HNRNPM: variants seen among roughly 807,000 people sequenced by gnomAD.
The protein encoded by HNRNPM is CEA receptor.
HNRNPM carries 11 observed loss-of-function variants against 73.1 expected under a neutral mutation model. The ratio of observed to expected loss-of-function variants is 0.15; its 90% confidence interval spans 0.09 to 0.25. The LOEUF (loss-of-function observed/expected upper bound fraction) is 0.25. Ranked by LOEUF, HNRNPM falls within the 10% of genes least tolerant of loss-of-function variation. HNRNPM has a pLI of 1.00. For synonymous variants in HNRNPM, 407 were observed against 355.2 expected, an observed-to-expected ratio of 1.15 and a Z score of -1.64; for missense variants, 789 against 1,067.9, an observed-to-expected ratio of 0.74 and a Z score of 3.64.
At chr19:8,481,049 T>C (rs1168351226) in intron 12 of HNRNPM, among the ~76,000 whole-genome samples, 2 of 152,202 alleles carry the variant, frequency 1.3e-5, no homozygotes, top group Non-Finnish European at 2.9e-5. Context: ...TCCCGTGTCC[T>C]TTGCCATGAG....
rs146518462 is a variant in HNRNPM, at chr19:8,486,069, G to A, written c.1641G>A (p.Val547=). 4.4e-6 allele frequency: 7 copies of A among 1,604,968 alleles called. No homozygotes were observed. In the African/African-American group the frequency reaches 8.1e-5, roughly 19 times the overall value. The change falls in exon 14 of 16, where the codon GTG becomes GTA. Residue 547 remains valine (V), a synonymous_variant. Coordinates refer to ENST00000325495, the MANE Select transcript of HNRNPM (RefSeq NM_005968.5). Reference sequence around the variant, plus strand: ...CTGGCCTGGAGCGCATGGGCCCCGTGATGGATCGCATGGCCACCGGCCTGG... The same window carrying A: ...CTGGCCTGGAGCGCATGGGCCCCGTAATGGATCGCATGGCCACCGGCCTGG... ...MGAGLERMGP[V]MDRMATGLER... is the part of the protein sequence containing the mutation.
At chr19:8,480,921 C>T (rs888798698) in intron 12 of HNRNPM, among the ~76,000 whole-genome samples, 9 of 152,082 alleles carry the variant, frequency 5.9e-5, no homozygotes, top group Non-Finnish European at 8.8e-5. Flanking sequence ...TGGGACTGTG[C>T]GATCTCTGTC....
At position 8,468,744 on chromosome 19, in the gene HNRNPM, T is replaced by C. The variant is rs560539875; in HGVS notation, c.835-30T>C. 33 of 1,580,760 alleles carry C rather than the reference T, an allele frequency of 2.1e-5. 1 individual carries two copies. The East Asian group carries it at 6.7e-4, about 32-fold the overall frequency. On this transcript the variant is annotated intron_variant, in intron 8 of 15. Transcript: ENST00000325495. The stretch of plus-strand genomic sequence containing the variant: ...TTGCAAACACTGCTGCACTGGATAC[T>C]GAGATTTGTTTGTTTTCTTTCTCTT...
intron 1 of HNRNPM, 79 bp from the exon 2 acceptor site, chr19:8,455,326 C>G: frequency 1.6e-6 from 2 of 1,261,572 alleles, no homozygotes; most frequent in Non-Finnish European, 2.2e-6. Context: ...AATTGTAAAC[C>G]TGGCAAATCA....
chr19:8,460,122 G>A (rs895831599), intron 2 of HNRNPM, among the ~76,000 whole-genome samples: 1 of 152,122 alleles, frequency 6.6e-6, no homozygotes, highest in Admixed American at 6.5e-5. Context: ...GATCTGCTCT[G>A]GATGGTTTGC....
At chr19:8,458,851 C>T (rs1405731141) in intron 2 of HNRNPM, among the ~76,000 whole-genome samples, 2 of 152,182 alleles carry the variant, frequency 1.3e-5, no homozygotes, top group Non-Finnish European at 2.9e-5. Flanking sequence ...GTCTATTAGG[C>T]AGAACTGTAT....
rs1971319630 is a variant in HNRNPM at position 8,486,494 on chromosome 19, C to T, written c.1977+89C>T. Reference sequence around the variant, plus strand: ...CAGCAGGATGAAGTCAGAGGTGGCGCCCTTCAAAGGGGACCACACCTCCTT... The same window carrying T: ...CAGCAGGATGAAGTCAGAGGTGGCGTCCTTCAAAGGGGACCACACCTCCTT... On this transcript the variant is annotated intron_variant, in intron 14 of 15. Coordinates refer to ENST00000325495, the MANE Select transcript of HNRNPM (RefSeq NM_005968.5). The T allele has an allele frequency of 2.6e-6, 3 of 1,169,592 alleles. 1 individual carries two copies. The highest frequency in any genetic ancestry group is 3.0e-5 in the South Asian group (2 of 66,930). 72.5% of individuals were successfully genotyped at this position (1,169,592 alleles called of 1,614,324 possible).
chr19:8,455,055 G>A (rs552321180), intron 1 of HNRNPM, among the ~76,000 whole-genome samples: 8 of 152,104 alleles, frequency 5.3e-5, no homozygotes, highest in African/African-American at 1.7e-4. Flanking sequence ...GTTTGCTGGA[G>A]CCTCGAACTC....
At chr19:8,456,205 G>T (rs1237981413) in intron 2 of HNRNPM, among the ~76,000 whole-genome samples, 16 of 152,114 alleles carry the variant, frequency 1.1e-4, no homozygotes, top group Admixed American at 7.9e-4. Flanking sequence ...CATAGCCTAG[G>T]TGTCCACCTT....
At position 8,467,510 on chromosome 19, in the gene HNRNPM, G is replaced by T; in HGVS notation, c.785-25G>T. 1.9e-6 allele frequency: 3 copies of T among 1,593,598 alleles called. No individual in the cohort carries two copies. In the South Asian group the frequency reaches 3.3e-5, roughly 18 times the overall value. ...CTTGTGCACATTTTTAGAATTGCAA[G>T]AAATAGCCTTAATTGTAATACCAGC... On this transcript the variant is annotated intron_variant, in intron 7 of 15. Transcript: ENST00000325495.
Position 8,486,105 on chromosome 19 carries a change from C to T in HNRNPM, c.1677C>T (p.Gly559=), listed in dbSNP as rs200333036. The change falls in exon 14 of 16, where the codon GGC becomes GGT. Residue 559 remains glycine, a synonymous_variant. Transcript: ENST00000325495. ...DRMATGLERM[G]ANNLERMGLE... is the part of the protein sequence containing the mutation. The stretch of plus-strand genomic sequence containing the variant: ...TGGCCACCGGCCTGGAGCGCATGGG[C>T]GCCAACAATCTGGAGCGGATGGGCC... The T allele has an allele frequency of 4.5e-5, 73 of 1,606,498 alleles. No individual in the cohort carries two copies. In the East Asian group the frequency reaches 8.0e-4, roughly 18 times the overall value.
intron 7 of HNRNPM, among the ~76,000 whole-genome samples, chr19:8,466,934 C>G (rs1022862181): frequency 1.3e-5 from 2 of 149,382 alleles, no homozygotes; most frequent in African/African-American, 4.9e-5. Context: ...ATGAGTCTTT[C>G]TACTGTTTTC....
rs367566719 is a variant in HNRNPM at position 8,444,984 on chromosome 19, C to G, written c.-15C>G. On this transcript the variant is annotated 5_prime_UTR_variant, in exon 1 of 16. Coordinates refer to ENST00000325495, the MANE Select transcript of HNRNPM (RefSeq NM_005968.5). ...TGCAGCCCGTTCGCTCACACAAAGCCCAGACGCGGAGAAAATGGCGGCAGG... is the reference window on the plus strand; with the variant it reads ...TGCAGCCCGTTCGCTCACACAAAGCGCAGACGCGGAGAAAATGGCGGCAGG... 11 of 1,399,996 alleles carry G rather than the reference C, an allele frequency of 7.9e-6. No individual in the cohort carries two copies. The highest frequency in any genetic ancestry group is 1.0e-5 in the Non-Finnish European group (11 of 1,077,100). 86.7% of individuals were successfully genotyped at this position (1,399,996 alleles called of 1,614,324 possible).
chr19:8,474,661 T>C (rs111959738), intron 12 of HNRNPM, among the ~76,000 whole-genome samples: 8,750 of 152,230 alleles, frequency 0.057, 547 homozygotes, highest in African/African-American at 0.15. Flanking sequence ...TCTTTTAATT[T>C]AGCATTTACA....
At position 8,483,182 on chromosome 19, in the gene HNRNPM, G is replaced by A; in HGVS notation, c.1145G>A (p.Arg382Lys). 6.2e-7 allele frequency: 1 copy of A among 1,612,716 alleles called. No homozygotes were observed. Among genetic ancestry groups the A allele is most frequent in the South Asian group, 1.1e-5 (1 of 90,982 alleles). Residue 382 changes from arginine (R) to lysine (K), a missense_variant, in exon 13 of 16, where the codon AGA becomes AAA. Physicochemically the swap from Arg to Lys is conservative, Grantham distance 26 (BLOSUM62 2). Around this residue, in one of 4 missense-constraint regions of HNRNPM, gnomAD observed 604 missense variants for 744.0 expected, o/e 0.81. Transcript: ENST00000325495. Reference sequence around the variant, plus strand: ...GAAATCCTAAGTAATGCACTGAAGAGAGGAGAGATCATTGCAAAGCAGGGA... The same window carrying A: ...GAAATCCTAAGTAATGCACTGAAGAAAGGAGAGATCATTGCAAAGCAGGGA... ...INEILSNALK[R>K]GEIIAKQGGG... is the part of the protein sequence containing the mutation.
At chr19:8,481,900 G>T (rs1401678925) in intron 12 of HNRNPM, among the ~76,000 whole-genome samples, 1 of 151,418 alleles carries the variant, frequency 6.6e-6, no homozygotes, top group Non-Finnish European at 1.5e-5. Context: ...TCCCACAGCA[G>T]TTAGTTGGGA....
At chr19:8,464,298 T>C (rs1969591958) in intron 5 of HNRNPM, among the ~76,000 whole-genome samples, 1 of 152,036 alleles carries the variant, frequency 6.6e-6, no homozygotes, top group Admixed American at 6.6e-5. Flanking sequence ...TCACATCTCA[T>C]CTGAATCAAA....
intron 12 of HNRNPM, among the ~76,000 whole-genome samples, chr19:8,475,905 CTTTT>C (rs71175865): frequency 0.17 from 19,916 of 114,352 alleles, 2,061 homozygotes; most frequent in East Asian, 0.48. Flanking sequence ...CCATCTCTCT[CTTTT>C]TTTTTTTTTT....
intron 2 of HNRNPM, among the ~76,000 whole-genome samples, chr19:8,458,094 C>T (rs1177060533): frequency 6.6e-6 from 1 of 152,134 alleles, no homozygotes; most frequent in East Asian, 1.9e-4. Context: ...AAGTAGCTAG[C>T]TTTGAGAGGC....
Sources: allele counts gnomAD v4.1 joint callset (sites outside exome capture counted in the v4.1 genomes callset), GRCh38; gene constraint gnomAD v4.1.1; regional missense constraint gnomAD v4.1.1; transcripts MANE v1.5; gene names NCBI Gene and HGNC (gene_info 2026-07-23, HGNC 2026-07-21).